NDUFAF6: variants seen among roughly 807,000 people sequenced by gnomAD.
NDUFAF6 encodes the protein NADH dehydrogenase (ubiquinone) complex I, assembly factor 6.
NDUFAF6 carries 45 observed loss-of-function variants against 40.8 expected under a neutral mutation model. That is an observed-to-expected ratio of 1.10 (90% CI 0.87 to 1.42). The LOEUF (loss-of-function observed/expected upper bound fraction) is 1.42, where lower values mean the gene tolerates loss of function less well. Ranked by LOEUF, NDUFAF6 falls within the 40% of genes most tolerant of loss-of-function variation. The pLI is 0.00. For synonymous variants in NDUFAF6, 185 were observed against 155.9 expected, an observed-to-expected ratio of 1.19 and a Z score of -1.39; for missense variants, 435 against 418.5, an observed-to-expected ratio of 1.04 and a Z score of -0.34.
intron 2 of NDUFAF6, chr8:94,945,679 A>G (rs988340495): frequency 1.3e-5 from 2 of 152,218 alleles, no homozygotes; most frequent in African/African-American, 4.8e-5. Context: ...TAATATTCAC[A>G]ATGCTAGGGC....
intron 1 of NDUFAF6, chr8:94,940,075 C>A: frequency 6.2e-7 from 1 of 1,614,180 alleles, no homozygotes; most frequent in South Asian, 1.1e-5. Flanking sequence ...ATGACTCAAA[C>A]TGGAGAAAGC....
chr8:95,048,669 T>C, intron 7 of NDUFAF6, 111 bp downstream of exon 7: 1 of 815,780 alleles, frequency 1.2e-6, no homozygotes, highest in Non-Finnish European at 2.1e-6. Context: ...TTTCCATTTT[T>C]CATTGATTTC....
At chr8:95,070,898 C>T (rs935866557) in intron 9 of NDUFAF6, among the ~76,000 whole-genome samples, 4 of 152,202 alleles carry the variant, frequency 2.6e-5, no homozygotes, top group Middle Eastern at 3.4e-3. Flanking sequence ...CTCCCCTCCC[C>T]GAGTCATCTG....
At chr8:94,921,788 C>T (rs1221330493) in intron 1 of NDUFAF6, among the ~76,000 whole-genome samples, 2 of 152,156 alleles carry the variant, frequency 1.3e-5, no homozygotes, top group Non-Finnish European at 2.9e-5. Flanking sequence ...CACAGGAGCT[C>T]AAATAGGGCT....
At chr8:94,942,362 C>T (rs1031794748) in intron 1 of NDUFAF6, among the ~76,000 whole-genome samples, 7 of 152,156 alleles carry the variant, frequency 4.6e-5, no homozygotes, top group African/African-American at 1.7e-4. Flanking sequence ...CTCCTACTCA[C>T]CCCTCATCCC....
chr8:95,039,320 G>A (rs1829885403), intron 3 of NDUFAF6, among the ~76,000 whole-genome samples: 1 of 151,988 alleles, frequency 6.6e-6, no homozygotes, highest in Admixed American at 6.5e-5. Context: ...GGGCGTAGTG[G>A]TGTGCGCCTG....
upstream of NDUFAF6, among the ~76,000 whole-genome samples, chr8:94,957,032 C>T (rs537993599): frequency 3.9e-5 from 6 of 152,058 alleles, no homozygotes; most frequent in South Asian, 8.3e-4. Context: ...ATTACCCGGG[C>T]GGGGTGGCAT....
At chr8:94,918,816 C>T (rs964018274) in intron 1 of NDUFAF6, among the ~76,000 whole-genome samples, 10 of 152,184 alleles carry the variant, frequency 6.6e-5, no homozygotes, top group Admixed American at 1.3e-4. Context: ...TGTGTTTTAC[C>T]TTTGGGAGGT....
At position 94,931,833 on chromosome 8, in the gene NDUFAF6, G is replaced by A. The variant is rs527728924; in HGVS notation, c.-935-13650G>A. ...CTAAAAATACAAAAATTAGCCAGGT[G>A]TGGTGATGCAAGCCTGTAATCCCAG... On this transcript the variant is annotated intron_variant, in intron 1 of 14. Transcript: ENST00000396113. Among the ~76,000 whole-genome samples the A allele has an allele frequency of 1.4e-3, 206 of 152,186 alleles. 2 individuals carry two copies. In the South Asian group the frequency reaches 0.019, roughly 14 times the overall value.
rs1268625714 is a variant in NDUFAF6, at chr8:95,058,091, A to T, written c.*154A>T. The T allele has an allele frequency of 1.4e-6, 2 of 1,459,490 alleles. No individual in the cohort carries two copies. The highest frequency in any genetic ancestry group is 2.5e-5 in the East Asian group (1 of 40,586). 90.4% of individuals were successfully genotyped at this position (1,459,490 alleles called of 1,614,324 possible). ...CACAAAATTGAGAAGTTGCCGTGGG[A>T]CTAGGGTGCCAAGACTGCTGAGATT... is the stretch of plus-strand genomic sequence containing the variant. On this transcript the variant is annotated 3_prime_UTR_variant, in exon 9 of 9. Coordinates refer to ENST00000396124, the MANE Select transcript of NDUFAF6 (RefSeq NM_152416.4).
chr8:94,952,322 A>T (rs1822692696), intron 2 of NDUFAF6, among the ~76,000 whole-genome samples: 1 of 152,212 alleles, frequency 6.6e-6, no homozygotes, highest in African/African-American at 2.4e-5. Flanking sequence ...ACCAACCCAT[A>T]GGATGGCTAC....
intron 4 of NDUFAF6, among the ~76,000 whole-genome samples, chr8:95,041,878 A>T (rs757230948): frequency 6.6e-6 from 1 of 152,192 alleles, no homozygotes; most frequent in Non-Finnish European, 1.5e-5. Context: ...TTCAAAAGGA[A>T]ATTTTCATAC....
At chr8:94,984,388 A>T (rs1008324804) in intron 2 of NDUFAF6, among the ~76,000 whole-genome samples, 13 of 152,382 alleles carry the variant, frequency 8.5e-5, no homozygotes, top group African/African-American at 3.1e-4. Flanking sequence ...GGCAAGAGCC[A>T]TATATGTATA....
intron 2 of NDUFAF6, among the ~76,000 whole-genome samples, chr8:95,086,895 G>T (rs532370168): frequency 6.6e-6 from 1 of 152,110 alleles, no homozygotes; most frequent in South Asian, 2.1e-4. Flanking sequence ...GAGCCACCGC[G>T]CCCCGGCCCC....
At chr8:95,105,690 A>G (rs948511671), downstream of NDUFAF6, among the ~76,000 whole-genome samples, 1 of 151,934 alleles carries the variant, frequency 6.6e-6, no homozygotes, top group African/African-American at 2.4e-5. Flanking sequence ...TTTACTAGAG[A>G]CGGAGTTTCA....
intron 2 of NDUFAF6, among the ~76,000 whole-genome samples, chr8:95,081,408 G>A (rs1338829807): frequency 6.6e-6 from 1 of 151,924 alleles, no homozygotes; most frequent in Non-Finnish European, 1.5e-5. Flanking sequence ...GACCTCAGGT[G>A]ATCTGCCCAC....
chr8:94,932,855 T>C (rs1820562123), intron 1 of NDUFAF6, among the ~76,000 whole-genome samples: 2 of 152,056 alleles, frequency 1.3e-5, no homozygotes. Context: ...TTAAAAAAAT[T>C]ATAGTTACTA....
chr8:95,097,936 A>G (rs1231553040), upstream of NDUFAF6, among the ~76,000 whole-genome samples: 2 of 152,186 alleles, frequency 1.3e-5, no homozygotes, highest in African/African-American at 4.8e-5. Context: ...ATCATGCAAC[A>G]GTTTGAGGGA....
chr8:94,932,665 C>A (rs973197418), intron 1 of NDUFAF6, among the ~76,000 whole-genome samples: 1 of 151,836 alleles, frequency 6.6e-6, no homozygotes, highest in East Asian at 1.9e-4. Context: ...TAGCTGGGTG[C>A]GGTGGCGGGC....
Sources: allele counts gnomAD v4.1 joint callset (sites outside exome capture counted in the v4.1 genomes callset), GRCh38; gene constraint gnomAD v4.1.1; transcripts MANE v1.5; gene names NCBI Gene and HGNC (gene_info 2026-07-23, HGNC 2026-07-21).